Variants in ASCC1 observed in about 807,000 individuals in gnomAD.
The protein encoded by ASCC1 is ASC-1 complex subunit P50.
Under a neutral mutation model 46.6 loss-of-function variants are expected in ASCC1, and 35 were observed. That is an observed-to-expected ratio of 0.75 (90% CI 0.57 to 0.99). The LOEUF is 0.99. ASCC1 is among the 50% of genes least tolerant of loss of function. The pLI is 0.00. For missense variants in ASCC1, 376 were observed against 428.7 expected, an observed-to-expected ratio of 0.88 and a Z score of 1.09; for synonymous variants, 143 against 146.6, an observed-to-expected ratio of 0.98 and a Z score of 0.18.
chr10:72,108,054 CTTTCTT>C (rs1231937477), intron 9 of ASCC1, among the ~76,000 whole-genome samples: 1,500 of 148,360 alleles, frequency 0.01, 8 homozygotes, highest in African/African-American at 0.027. Flanking sequence ...ATGTTAAATA[CTTTCTT>C]TTTCTTTTTC....
At chr10:72,144,039 G>T (rs538942656) in intron 7 of ASCC1, among the ~76,000 whole-genome samples, 1 of 149,634 alleles carries the variant, frequency 6.7e-6, no homozygotes, top group Non-Finnish European at 1.5e-5. Flanking sequence ...TTGCCCACAC[G>T]TGATCTTGGC....
chr10:72,122,725 C>A (rs1366441827), intron 9 of ASCC1, among the ~76,000 whole-genome samples: 1 of 152,062 alleles, frequency 6.6e-6, no homozygotes, highest in Non-Finnish European at 1.5e-5. Context: ...CTGCGATGAG[C>A]TATGATTGTG....
At chr10:72,159,903 C>CTTTTTTT (rs900754769) in intron 6 of ASCC1, among the ~76,000 whole-genome samples, 4 of 129,932 alleles carry the variant, frequency 3.1e-5, no homozygotes, top group African/African-American at 8.6e-5. Context: ...TACACAGTTT[C>CTTTTTTT]TTTTTTTTTT....
At chr10:72,192,387 G>A (rs896201383) in intron 5 of ASCC1, among the ~76,000 whole-genome samples, 1 of 151,510 alleles carries the variant, frequency 6.6e-6, no homozygotes, top group Non-Finnish European at 1.5e-5. Context: ...GCCAGGAGGC[G>A]AAGGTTGCAG....
chr10:72,189,724 T>A lies in ASCC1; in HGVS notation c.489+7087A>T, dbSNP rs372275339. Among the ~76,000 whole-genome samples, 7 of 145,266 alleles carry A rather than the reference T, an allele frequency of 4.8e-5. No homozygotes were observed. The East Asian group carries it at 8.1e-4, about 17-fold the overall frequency. On this transcript the variant is annotated intron_variant, in intron 5 of 9. Coordinates refer to ENST00000672957, the MANE Select transcript of ASCC1 (RefSeq NM_001198800.3). ...GGTTGAGGCAGGAGAATCGCTTGAA[T>A]CTGGGAGGCGGAGGTTGCAGTGAGC...
Position 72,210,703 on chromosome 10 carries a change from C to T in ASCC1, c.212+29G>A, listed in dbSNP as rs185657581. On this transcript the variant is annotated intron_variant, in intron 3 of 9. Transcript: ENST00000672957. ...CCGCTGAGTTTCCTGGAAGTGTCTT[C>T]CCATGAAACTGTTGGGGACATGACT... 5.6e-6 allele frequency: 9 copies of T among 1,593,804 alleles called. No individual in the cohort carries two copies. The African/African-American group carries it at 1.2e-4, about 21-fold the overall frequency.
At chr10:72,106,022 G>C (rs1344538779) in intron 9 of ASCC1, among the ~76,000 whole-genome samples, 1 of 152,016 alleles carries the variant, frequency 6.6e-6, no homozygotes, top group Admixed American at 6.5e-5. Context: ...CAATCTGCTG[G>C]GGATCCCTGC....
intron 2 of ASCC1, 140 bp downstream of exon 2, chr10:72,213,047 G>A (rs191238580): frequency 1.3e-4 from 87 of 668,536 alleles, no homozygotes; most frequent in Non-Finnish European, 2.2e-4. Flanking sequence ...CCTTAGACAT[G>A]AACATAAATG....
chr10:72,177,756 C>T (rs1330190797), intron 5 of ASCC1, among the ~76,000 whole-genome samples: 1 of 152,188 alleles, frequency 6.6e-6, no homozygotes, highest in African/African-American at 2.4e-5. Flanking sequence ...TTGTAATATA[C>T]TTCTTGAACT....
At chr10:72,160,784 A>T (rs1411433497) in intron 6 of ASCC1, among the ~76,000 whole-genome samples, 4 of 118,226 alleles carry the variant, frequency 3.4e-5, no homozygotes, top group African/African-American at 2.9e-4. Context: ...TTTGTATTAA[A>T]AAAAAAAAAA....
At chr10:72,191,241 A>T (rs868247304) in intron 5 of ASCC1, among the ~76,000 whole-genome samples, 11,083 of 130,350 alleles carry the variant, frequency 0.085, 1,138 homozygotes, top group African/African-American at 0.24. Context: ...TTTTTTTTGT[A>T]TTTTTAGTAG....
At chr10:72,165,257 C>T (rs1325987244) in intron 5 of ASCC1, among the ~76,000 whole-genome samples, 1 of 152,150 alleles carries the variant, frequency 6.6e-6, no homozygotes, top group Admixed American at 6.5e-5. Context: ...CTGGGATTGA[C>T]AGGCATGCGC....
chr10:72,198,475 G>C (rs906549351), intron 4 of ASCC1: 3 of 450,152 alleles, frequency 6.7e-6, no homozygotes, highest in African/African-American at 6.1e-5. Context: ...CTGGGGCAAA[G>C]GCCAAGGCAG....
At chr10:72,127,724 C>T (rs1845047494) in intron 9 of ASCC1, among the ~76,000 whole-genome samples, 1 of 143,614 alleles carries the variant, frequency 7.0e-6, no homozygotes, top group Admixed American at 7.0e-5. Context: ...GGTGCAGAGG[C>T]TCACACCTGT....
intron 5 of ASCC1, among the ~76,000 whole-genome samples, chr10:72,187,935 A>G (rs1853743217): frequency 6.6e-6 from 1 of 151,440 alleles, no homozygotes; most frequent in Admixed American, 6.6e-5. Flanking sequence ...CCTGGGTGAC[A>G]GAGTGAGAGT....
chr10:72,213,092 G>A (rs1858410089), intron 2 of ASCC1, 95 bp downstream of exon 2: 2 of 834,616 alleles, frequency 2.4e-6, no homozygotes, highest in Non-Finnish European at 4.1e-6. Context: ...AAATTTCAGT[G>A]CTGACACAGA....
chr10:72,112,797 T>C (rs1423474445), intron 9 of ASCC1, among the ~76,000 whole-genome samples: 1 of 147,136 alleles, frequency 6.8e-6, no homozygotes, highest in Non-Finnish European at 1.5e-5. Context: ...GAGAATCACT[T>C]GAACCCAAGT....
At chr10:72,208,767 ATGTG>A (rs57724546) in intron 3 of ASCC1, among the ~76,000 whole-genome samples, 5 of 151,180 alleles carry the variant, frequency 3.3e-5, no homozygotes, top group Non-Finnish European at 7.4e-5. Flanking sequence ...CTCAAAAAAA[ATGTG>A]TGTGTGTGTG....
At chr10:72,118,778 T>A (rs560262407) in intron 9 of ASCC1, among the ~76,000 whole-genome samples, 1 of 147,006 alleles carries the variant, frequency 6.8e-6, no homozygotes, top group African/African-American at 2.5e-5. Context: ...AAACTCCGTC[T>A]CAAAAAAAAA....
Sources: gnomAD v4.1 joint callset for allele counts (sites outside exome capture counted in the v4.1 genomes callset) on GRCh38, gnomAD v4.1.1 for gene constraint, MANE v1.5 for transcripts, NCBI Gene and HGNC (gene_info 2026-07-23, HGNC 2026-07-21) for gene names.